Variants in MALRD1 observed in about 807,000 individuals in gnomAD.
The protein encoded by MALRD1 is MAM and LDL-receptor class A domain-containing protein 1.
In MALRD1, 247 loss-of-function variants were observed where a neutral mutation model predicts 242.1. The observed-to-expected ratio is 1.02, with a 90% CI of 0.92 to 1.13. The LOEUF (loss-of-function observed/expected upper bound fraction) is 1.13, where lower values mean the gene tolerates loss of function less well. Ranked by LOEUF, MALRD1 falls within the 50% of genes most tolerant of loss-of-function variation. MALRD1 has a pLI of 0.00. For synonymous variants in MALRD1, 995 were observed against 866.6 expected, an observed-to-expected ratio of 1.15 and a Z score of -2.60; for missense variants, 2,989 against 2,533.1, an observed-to-expected ratio of 1.18 and a Z score of -3.86.
chr10:19,665,189 G>T (rs978247375), intron 36 of MALRD1, among the ~76,000 whole-genome samples: 1 of 152,050 alleles, frequency 6.6e-6, no homozygotes, highest in African/African-American at 2.4e-5. Flanking sequence ...TAGAATTTAG[G>T]CTTACATAGC....
chr10:19,242,400 C>T (rs1838831176), intron 18 of MALRD1, among the ~76,000 whole-genome samples: 1 of 152,084 alleles, frequency 6.6e-6, no homozygotes, highest in African/African-American at 2.4e-5. Context: ...ACAGCCAAAC[C>T]ATATCAGGTG....
At chr10:19,360,492 G>A (rs935846234) in intron 26 of MALRD1, among the ~76,000 whole-genome samples, 7 of 151,928 alleles carry the variant, frequency 4.6e-5, no homozygotes, top group African/African-American at 1.7e-4. Flanking sequence ...CAGCTAGATT[G>A]TCTACCCATC....
intron 29 of MALRD1, among the ~76,000 whole-genome samples, chr10:19,478,548 CT>C (rs992323877): frequency 2.0e-5 from 3 of 152,066 alleles, no homozygotes; most frequent in African/African-American, 4.8e-5. Context: ...AGAAGGGTCC[CT>C]TTTTAATGAG....
intron 28 of MALRD1, among the ~76,000 whole-genome samples, chr10:19,398,865 T>C (rs1846702465): frequency 6.6e-6 from 1 of 152,190 alleles, no homozygotes; most frequent in Admixed American, 6.5e-5. Context: ...CTGAGACAAG[T>C]TTAGAGCAGA....
intron 14 of MALRD1, among the ~76,000 whole-genome samples, chr10:19,202,077 G>A (rs1314034826): frequency 5.3e-5 from 8 of 152,042 alleles, no homozygotes; most frequent in African/African-American, 1.9e-4. Flanking sequence ...GCCTCCCAAA[G>A]TATTGGAATT....
At chr10:19,731,643 C>G (rs921992077) in intron 39 of MALRD1, among the ~76,000 whole-genome samples, 1 of 152,134 alleles carries the variant, frequency 6.6e-6, no homozygotes, top group East Asian at 1.9e-4. Context: ...ACTCTTTGAT[C>G]AATATCTCAT....
intron 21 of MALRD1, among the ~76,000 whole-genome samples, chr10:19,296,814 T>G (rs1841724682): frequency 6.6e-6 from 1 of 151,982 alleles, no homozygotes; most frequent in African/African-American, 2.4e-5. Flanking sequence ...TTGTTCTCTT[T>G]GAAAAGACAT....
intron 36 of MALRD1, among the ~76,000 whole-genome samples, chr10:19,623,255 A>G (rs766460307): frequency 5.9e-5 from 9 of 152,136 alleles, no homozygotes; most frequent in Non-Finnish European, 1.3e-4. Flanking sequence ...TGTTGCATGT[A>G]TCAGAAAAAG....
chr10:19,509,384 T>G (rs1412779), intron 31 of MALRD1, among the ~76,000 whole-genome samples: 20,945 of 152,190 alleles, frequency 0.14, 1,552 homozygotes, highest in East Asian at 0.22. Flanking sequence ...AAATTTGTCT[T>G]TTATACTCCT....
chr10:19,480,318 T>C (rs1836938662), intron 29 of MALRD1, among the ~76,000 whole-genome samples: 1 of 152,038 alleles, frequency 6.6e-6, no homozygotes, highest in Non-Finnish European at 1.5e-5. Flanking sequence ...CAGGTTGTGG[T>C]TGTAGACATG....
chr10:19,615,901 G>A lies in MALRD1; in HGVS notation c.6115G>A (p.Glu2039Lys). ...CAGAAATGGTGGGACTTGTGTAGTG[G>A]AGAAAAATGGTCCTATGTGTCGGTA... ...YCRNGGTCVV[E>K]KNGPMCRCRQ... The change falls in exon 36 of 40, where the codon GAG becomes AAG. Residue 2039 changes from glutamate (E) to lysine (K), a missense_variant. By Grantham distance (56) the Glu-to-Lys change is moderately conservative. Coordinates refer to ENST00000454679, the MANE Select transcript of MALRD1 (RefSeq NM_001142308.3). The A allele has an allele frequency of 6.5e-7, 1 of 1,531,736 alleles. No individual in the cohort carries two copies. Among genetic ancestry groups the A allele is most frequent in the African/African-American group, 1.4e-5 (1 of 72,762 alleles). The allele number at this position is 1,531,736 out of a possible 1,614,324, so 94.9% of individuals were successfully genotyped here.
At chr10:19,055,604 G>A (rs1337337983) in intron 1 of MALRD1, among the ~76,000 whole-genome samples, 2 of 152,174 alleles carry the variant, frequency 1.3e-5, no homozygotes, top group East Asian at 3.8e-4. Context: ...TAAGGGTCCA[G>A]TTTCCTTCAT....
chr10:19,399,858 T>C (rs551376127), intron 28 of MALRD1, among the ~76,000 whole-genome samples: 1 of 152,284 alleles, frequency 6.6e-6, no homozygotes, highest in Non-Finnish European at 1.5e-5. Context: ...GTTGTGACAA[T>C]AAAGCTCCTT....
chr10:19,187,740 C>T (rs964326961), intron 14 of MALRD1, among the ~76,000 whole-genome samples: 13 of 151,958 alleles, frequency 8.6e-5, no homozygotes, highest in African/African-American at 2.7e-4. Context: ...TGTTCTCACT[C>T]GTAAGTGGGA....
intron 28 of MALRD1, among the ~76,000 whole-genome samples, chr10:19,428,468 C>T (rs895990079): frequency 3.9e-5 from 6 of 151,924 alleles, no homozygotes; most frequent in African/African-American, 1.5e-4. Flanking sequence ...CATGGTAACC[C>T]CAAATTCCCC....
intron 14 of MALRD1, among the ~76,000 whole-genome samples, chr10:19,188,290 G>A (rs1374087953): frequency 6.6e-6 from 1 of 152,200 alleles, no homozygotes; most frequent in African/African-American, 2.4e-5. Flanking sequence ...GGAGAAACTG[G>A]GACGTGGCTT....
In MALRD1 at chr10:19,730,658, G is replaced by C. The variant is rs755514542; in HGVS notation, c.6315-48G>C. 14 of 1,500,664 alleles carry C rather than the reference G, an allele frequency of 9.3e-6. No individual in the cohort carries two copies. In the African/African-American group the frequency reaches 1.9e-4, roughly 21 times the overall value. The allele number at this position is 1,500,664 out of a possible 1,614,324, so 93.0% of individuals were successfully genotyped here. On this transcript the variant is annotated intron_variant, in intron 38 of 39. Transcript: ENST00000454679. The stretch of plus-strand genomic sequence containing the variant: ...AAACAATAACCTGAAAATGTACTAT[G>C]GTAAATGTCAATAGTTTTTTATTTT...
rs563621833 is a variant in MALRD1, at chr10:19,097,903, C to CT, written c.598-6069dup. On this transcript the variant is annotated intron_variant, in intron 4 of 39. Transcript: ENST00000454679. ...GTAGCAGAGCACATCTCCCCATGAT[C>CT]TTTTTTTATCCTGTGTATAAACATG... Among the ~76,000 whole-genome samples the CT allele has an allele frequency of 1.6e-4, 25 of 152,266 alleles. No homozygotes were observed. In the South Asian group the frequency reaches 2.5e-3, roughly 15 times the overall value.
intron 26 of MALRD1, among the ~76,000 whole-genome samples, chr10:19,379,843 A>G (rs1845760236): frequency 6.6e-6 from 1 of 152,110 alleles, no homozygotes; most frequent in Non-Finnish European, 1.5e-5. Context: ...TTTCTGTTTT[A>G]TCAGTAACTG....
Sources: allele counts gnomAD v4.1 joint callset (sites outside exome capture counted in the v4.1 genomes callset), GRCh38; gene constraint gnomAD v4.1.1; transcripts MANE v1.5; gene names NCBI Gene and HGNC (gene_info 2026-07-23, HGNC 2026-07-21).